The following ZNF469 variants were observed in gnomAD, a reference collection of about 807,000 sequenced individuals.
ZNF469 encodes the protein zinc finger protein 469.
ZNF469 carries 1 observed loss-of-function variant against 1.0 expected under a neutral mutation model. That is an observed-to-expected ratio of 1.00 (90% CI 0.35 to 4.73). The LOEUF (loss-of-function observed/expected upper bound fraction) is 4.73. Among genes scored for constraint, ZNF469 ranks in the 30% most tolerant of loss-of-function variants. The pLI is 0.16. For synonymous variants in ZNF469, 2,703 were observed against 2,363.4 expected (o/e 1.14, Z -4.17); for missense variants, 6,100 against 5,356.3 (o/e 1.14, Z -4.33).
chr16:88,353,455 C>A, the ZNF469 span, among the ~76,000 whole-genome samples: 1 of 152,212 alleles, frequency 6.6e-6, no homozygotes, highest in South Asian at 2.1e-4. Flanking sequence ...GCCCCACACC[C>A]TGGCCCCCTT....
At chr16:88,242,141 A>T in the ZNF469 span, among the ~76,000 whole-genome samples, 1 of 152,118 alleles carries the variant, frequency 6.6e-6, no homozygotes, top group Non-Finnish European at 1.5e-5. Context: ...CAGGAAAGGC[A>T]CTCGAGCCCA....
chr16:88,184,716 G>A, the ZNF469 span, among the ~76,000 whole-genome samples: 1 of 152,098 alleles, frequency 6.6e-6, no homozygotes, highest in African/African-American at 2.4e-5. Context: ...CCGGCGTCAC[G>A]GGCTGCTGTT....
the ZNF469 span, among the ~76,000 whole-genome samples, chr16:88,274,905 G>A: frequency 6.6e-6 from 1 of 152,344 alleles, no homozygotes; most frequent in Admixed American, 6.5e-5. Flanking sequence ...TGGCCCCCAG[G>A]CAACAGCCGA....
At chr16:88,283,525 C>T in the ZNF469 span, among the ~76,000 whole-genome samples, 3 of 152,196 alleles carry the variant, frequency 2.0e-5, no homozygotes, top group Non-Finnish European at 4.4e-5. Flanking sequence ...ATGTGTGCTA[C>T]GCCATTCTTC....
chr16:88,414,302 G>A (rs1418412095), intron 1 of ZNF469, among the ~76,000 whole-genome samples: 1 of 152,248 alleles, frequency 6.6e-6, no homozygotes, highest in African/African-American at 2.4e-5. Context: ...CCGGGCTTCA[G>A]TCTCCAACAC....
At chr16:88,148,265 G>A in the ZNF469 span, among the ~76,000 whole-genome samples, 1 of 152,100 alleles carries the variant, frequency 6.6e-6, no homozygotes, top group East Asian at 1.9e-4. Context: ...ACTCCCTCGG[G>A]GCCTCGTTCC....
Position 88,432,513 on chromosome 16 carries a change from TG to T in ZNF469, c.5047del (p.Ala1683LeufsTer56). 6.5e-7 allele frequency: 1 copy of T among 1,550,356 alleles called. No homozygotes were observed. Among genetic ancestry groups the T allele is most frequent in the African/African-American group, 1.4e-5 (1 of 73,154 alleles). ...LPCAQEDLVS[G>X]APFSPRGANF... ...CCTGTGCCCAGGAAGACCTGGTTTCTGGGGCTCCTTTCAGCCCCAGGGGAGC... is the reference window on the plus strand; with the variant it reads ...CCTGTGCCCAGGAAGACCTGGTTTCTGGGCTCCTTTCAGCCCCAGGGGAGC... On this transcript the variant is annotated frameshift_variant, in exon 3 of 3. Transcript: ENST00000565624. LOFTEE classifies it low-confidence loss of function (END_TRUNC).
In ZNF469 at chr16:88,402,380, C is replaced by G. The variant is rs1417621408; in HGVS notation, c.-192+19126C>G. ...CTGGGCCCCAGTTATGCTAAGGATG[C>G]TGAGTGCTGTGGGTAGCACCATGGC... On this transcript the variant is annotated intron_variant, in intron 1 of 2. Coordinates refer to ENST00000565624, the MANE Select transcript of ZNF469 (RefSeq NM_001367624.2). 5.3e-5 allele frequency among the ~76,000 whole-genome samples: 8 copies of G among 152,268 alleles called. No individual in the cohort carries two copies. The East Asian group carries it at 1.5e-3, about 29-fold the overall frequency.
At chr16:88,301,601 G>A in the ZNF469 span, among the ~76,000 whole-genome samples, 1 of 152,234 alleles carries the variant, frequency 6.6e-6, no homozygotes, top group Non-Finnish European at 1.5e-5. Flanking sequence ...CTGAGCGTTT[G>A]GGCAGGTCAC....
the ZNF469 span, among the ~76,000 whole-genome samples, chr16:88,321,958 T>G: frequency 6.6e-6 from 1 of 152,152 alleles, no homozygotes; most frequent in Non-Finnish European, 1.5e-5. Context: ...CTGCACCGCT[T>G]CTGACATCAC....
chr16:88,208,620 GAGAAGTGGGAGGGAGAGA>G, the ZNF469 span, among the ~76,000 whole-genome samples: 4 of 74,120 alleles, frequency 5.4e-5, no homozygotes, highest in Non-Finnish European at 1.3e-4. Flanking sequence ...AGGGAGGGAG[GAGAAGTGGGAGGGAGAGA>G]AGAAGGAAGA....
chr16:88,220,500 A>C, the ZNF469 span, among the ~76,000 whole-genome samples: 139 of 150,382 alleles, frequency 9.2e-4, 2 homozygotes, highest in East Asian at 0.022. Flanking sequence ...AGAATGCCAC[A>C]GTGTGACCCA....
At chr16:88,114,155 C>G in the ZNF469 span, among the ~76,000 whole-genome samples, 14,099 of 140,638 alleles carry the variant, frequency 0.1, 998 homozygotes, top group East Asian at 0.21. Context: ...AAGGGCCACA[C>G]TCCCTGACTG....
At chr16:88,293,341 G>GATGGATGA in the ZNF469 span, among the ~76,000 whole-genome samples, 6 of 151,898 alleles carry the variant, frequency 4.0e-5, no homozygotes, top group African/African-American at 1.2e-4. Flanking sequence ...TGGATGGATG[G>GATGGATGA]ATGGATGGAT....
intron 1 of ZNF469, among the ~76,000 whole-genome samples, chr16:88,404,036 C>T (rs1001153236): frequency 6.6e-6 from 1 of 152,210 alleles, no homozygotes; most frequent in Non-Finnish European, 1.5e-5. Flanking sequence ...GGGCCCAAAG[C>T]CCCCCGACTG....
At chr16:88,286,843 A>C in the ZNF469 span, among the ~76,000 whole-genome samples, 4 of 152,140 alleles carry the variant, frequency 2.6e-5, no homozygotes, top group Non-Finnish European at 5.9e-5. Context: ...GCATCCATCC[A>C]GGTCACATGA....
At position 88,434,160 on chromosome 16, in the gene ZNF469, T is replaced by C. The variant is rs1460052486; in HGVS notation, c.6690T>C (p.Pro2230=). 2 of 1,550,202 alleles carry C rather than the reference T, an allele frequency of 1.3e-6. No homozygotes were observed. The highest frequency in any genetic ancestry group is 2.7e-5 in the African/African-American group (2 of 73,046). ...SPLEDPSSWP[P]GSVSAVTCTH... is the part of the protein sequence containing the mutation. ...TGGAAGACCCTTCCTCCTGGCCTCC[T>C]GGCTCCGTCAGTGCTGTAACCTGCA... The change falls in exon 3 of 3, where the codon CCT becomes CCC. Residue 2230 remains proline (P), a synonymous_variant. Coordinates refer to ENST00000565624, the MANE Select transcript of ZNF469 (RefSeq NM_001367624.2).
At chr16:88,282,180 A>T in the ZNF469 span, among the ~76,000 whole-genome samples, 1 of 152,214 alleles carries the variant, frequency 6.6e-6, no homozygotes, top group South Asian at 2.1e-4. Flanking sequence ...ACCTTTGGGC[A>T]GGAAACACCT....
the ZNF469 span, among the ~76,000 whole-genome samples, chr16:88,133,306 G>T: frequency 1.2e-4 from 18 of 152,192 alleles, no homozygotes; most frequent in Non-Finnish European, 2.1e-4. Context: ...TGGCGATCCC[G>T]CACATTCCCA....
Sources: allele counts gnomAD v4.1 joint callset (sites outside exome capture counted in the v4.1 genomes callset), GRCh38; gene constraint gnomAD v4.1.1; transcripts MANE v1.5; gene names NCBI Gene and HGNC (gene_info 2026-07-23, HGNC 2026-07-21).